EVA1C: variants seen among roughly 807,000 people sequenced by gnomAD.
EVA1C encodes the protein protein eva-1 homolog C.
EVA1C carries 25 observed loss-of-function variants against 45.4 expected under a neutral mutation model. That is an observed-to-expected ratio of 0.55 (90% CI 0.40 to 0.77). The LOEUF is 0.77. Among genes scored for constraint, EVA1C ranks in the 30% least tolerant of loss-of-function variants. EVA1C has a pLI of 0.00. For synonymous variants in EVA1C, 190 were observed against 221.2 expected, an observed-to-expected ratio of 0.86 and a Z score of 1.25; for missense variants, 479 against 554.8, an observed-to-expected ratio of 0.86 and a Z score of 1.37.
intron 4 of EVA1C, among the ~76,000 whole-genome samples, chr21:32,487,759 G>A (rs1601400825): frequency 6.6e-6 from 1 of 151,116 alleles, no homozygotes. Flanking sequence ...CCCAGCAAGG[G>A]CATGGGAGCT....
intron 4 of EVA1C, among the ~76,000 whole-genome samples, chr21:32,468,375 A>AAAAC (rs199793711): frequency 4.3e-5 from 6 of 138,572 alleles, no homozygotes; most frequent in Non-Finnish European, 4.7e-5. Flanking sequence ...CCTGTCTCAA[A>AAAAC]AAACAAACAA....
In EVA1C at chr21:32,412,739, CG is replaced by C. The variant is rs1045705896; in HGVS notation, c.-109del. On this transcript the variant is annotated 5_prime_UTR_variant, in exon 1 of 8. Coordinates refer to ENST00000300255, the MANE Select transcript of EVA1C (RefSeq NM_058187.5). ...TCTGGCAGCCTGGGCAGGGAGGCGG[CG>C]GGGGGCCGCGGAGCCGCTGGCCATC... is the stretch of plus-strand genomic sequence containing the variant. The C allele has an allele frequency of 2.2e-5, 24 of 1,116,246 alleles. No individual in the cohort carries two copies. Among genetic ancestry groups the C allele is most frequent in the Admixed American group, 8.5e-5 (2 of 23,414 alleles). The allele number at this position is 1,116,246 out of a possible 1,614,324, so 69.1% of individuals were successfully genotyped here.
intron 7 of EVA1C, among the ~76,000 whole-genome samples, chr21:32,507,768 G>A (rs1315735194): frequency 6.6e-6 from 1 of 151,072 alleles, no homozygotes; most frequent in Non-Finnish European, 1.5e-5. Context: ...GCGTGTGTGT[G>A]CATGTATGTG....
chr21:32,467,335 G>T (rs2036210083), intron 3 of EVA1C, among the ~76,000 whole-genome samples: 1 of 151,988 alleles, frequency 6.6e-6, no homozygotes, highest in Admixed American at 6.6e-5. Context: ...TTGAGAAAAG[G>T]CCCCCTTCAG....
intron 1 of EVA1C, among the ~76,000 whole-genome samples, chr21:32,424,777 G>C (rs2034422597): frequency 6.6e-6 from 1 of 152,140 alleles, no homozygotes; most frequent in African/African-American, 2.4e-5. Context: ...CAAGTGCAAA[G>C]GTCCCTCTCA....
intron 1 of EVA1C, among the ~76,000 whole-genome samples, chr21:32,416,357 T>A (rs2034048456): frequency 6.7e-6 from 1 of 150,228 alleles, no homozygotes; most frequent in Admixed American, 6.6e-5. Context: ...GAGACGCAGT[T>A]TCACTCTGTT....
At chr21:32,426,775 C>T (rs1287053495) in intron 1 of EVA1C, among the ~76,000 whole-genome samples, 1 of 152,146 alleles carries the variant, frequency 6.6e-6, no homozygotes, top group Non-Finnish European at 1.5e-5. Context: ...GCATGCCTCC[C>T]TCCATCACCC....
intron 5 of EVA1C, chr21:32,496,761 G>T: frequency 1.5e-6 from 1 of 660,054 alleles, no homozygotes; most frequent in East Asian, 2.7e-5. Flanking sequence ...GCCGGGGACC[G>T]GGAAAGCTGA....
chr21:32,465,704 G>A (rs1378238266), intron 3 of EVA1C, among the ~76,000 whole-genome samples: 3 of 152,014 alleles, frequency 2.0e-5, no homozygotes, highest in Non-Finnish European at 4.4e-5. Flanking sequence ...CACCATGTTG[G>A]CCAGGCTGGT....
chr21:32,473,784 G>T, intron 4 of EVA1C: 1 of 268,966 alleles, frequency 3.7e-6, no homozygotes, highest in East Asian at 1.8e-4. Flanking sequence ...TTCATGTATG[G>T]TCTATCTGAG....
rs565328798 is a variant in EVA1C, at chr21:32,495,164, G to C, written c.772G>C (p.Ala258Pro). 6.2e-7 allele frequency: 1 copy of C among 1,613,816 alleles called. No homozygotes were observed. The highest frequency in any genetic ancestry group is 8.5e-7 in the Non-Finnish European group (1 of 1,179,986). The change falls in exon 5 of 8, where the codon GCA (alanine) becomes CCA (proline). Residue 258 changes from alanine (A) to proline (P), a missense_variant. Coordinates refer to ENST00000300255, the MANE Select transcript of EVA1C (RefSeq NM_058187.5). Reference sequence around the variant, plus strand: ...GAAAAAATACCTCACTGTGACCTACGCATGTGGTAAGAACACACCCCCGAC... The same window carrying C: ...GAAAAAATACCTCACTGTGACCTACCCATGTGGTAAGAACACACCCCCGAC... ...GVKKYLTVTY[A>P]CVPKNILTAI...
At chr21:32,427,436 C>T (rs950092318) in intron 1 of EVA1C, among the ~76,000 whole-genome samples, 2 of 152,098 alleles carry the variant, frequency 1.3e-5, no homozygotes, top group Admixed American at 6.6e-5. Context: ...AGGCAGAGGC[C>T]GGGCGTGGTG....
intron 4 of EVA1C, among the ~76,000 whole-genome samples, chr21:32,468,496 TTATATATA>T (rs1281688583): frequency 1.3e-5 from 2 of 151,282 alleles, no homozygotes; most frequent in Non-Finnish European, 2.9e-5. Context: ...CAACTCCCCT[TTATATATA>T]TACATAAAGG....
chr21:32,433,098 C>A (rs1367968741), intron 1 of EVA1C: 1 of 152,212 alleles, frequency 6.6e-6, no homozygotes, highest in Non-Finnish European at 1.5e-5. Context: ...TAAGGTGATG[C>A]CTGGCTTGAC....
At chr21:32,423,119 A>G (rs941406020) in intron 1 of EVA1C, among the ~76,000 whole-genome samples, 7 of 150,546 alleles carry the variant, frequency 4.6e-5, no homozygotes, top group African/African-American at 1.5e-4. Flanking sequence ...AAATGGTACA[A>G]CTTTGAATGC....
Position 32,503,726 on chromosome 21 carries a change from A to C in EVA1C, c.860-200A>C, listed in dbSNP as rs2037632844. ...AATTTCTAATCCTTTTTGTACTTTA[A>C]TATTGTCGGGGACTGCTTACTATTT... is the stretch of plus-strand genomic sequence containing the variant. On this transcript the variant is annotated intron_variant, in intron 6 of 7. Coordinates refer to ENST00000300255, the MANE Select transcript of EVA1C (RefSeq NM_058187.5). Among the ~76,000 whole-genome samples the C allele has an allele frequency of 1.3e-5, 2 of 152,238 alleles. 1 individual carries two copies. The highest frequency in any genetic ancestry group is 4.2e-4 in the South Asian group (2 of 4,818).
At chr21:32,514,669 A>AT in intron 7 of EVA1C, 145 bp from the exon 8 acceptor site, 1 of 917,916 alleles carries the variant, frequency 1.1e-6, no homozygotes, top group Non-Finnish European at 1.5e-6. Context: ...ATATATGATT[A>AT]TTTTGGTGTA....
At chr21:32,441,974 G>A (rs971725076) in intron 1 of EVA1C, among the ~76,000 whole-genome samples, 1 of 152,244 alleles carries the variant, frequency 6.6e-6, no homozygotes, top group Non-Finnish European at 1.5e-5. Context: ...GTAGTGGAGG[G>A]TCACAAGGGG....
intron 1 of EVA1C, among the ~76,000 whole-genome samples, chr21:32,438,267 C>T (rs1170527593): frequency 6.6e-5 from 10 of 152,156 alleles, no homozygotes; most frequent in Middle Eastern, 3.4e-3. Context: ...GAGGCCAAGG[C>T]GGGTGGATCA....
Sources: gnomAD v4.1 joint callset for allele counts (sites outside exome capture counted in the v4.1 genomes callset) on GRCh38, gnomAD v4.1.1 for gene constraint, MANE v1.5 for transcripts, NCBI Gene and HGNC (gene_info 2026-07-23, HGNC 2026-07-21) for gene names.